Variants in ERC1 observed in about 807,000 individuals in gnomAD.
The protein encoded by ERC1 is ELKS/RAB6-interacting/CAST family member 1, also known as RAB6 interacting protein 2.
Under a neutral mutation model 132.0 loss-of-function variants are expected in ERC1, and 56 were observed. The ratio of observed to expected loss-of-function variants is 0.42; its 90% CI spans 0.34 to 0.53. The LOEUF is 0.53. Ranked by LOEUF, ERC1 falls within the 20% of genes least tolerant of loss-of-function variation. The pLI is 0.03. For synonymous variants in ERC1, 478 were observed against 476.1 expected, an observed-to-expected ratio of 1.00 and a Z score of -0.05; for missense variants, 1,202 against 1,349.9, an observed-to-expected ratio of 0.89 and a Z score of 1.72.
At chr12:1,442,164 G>A (rs756047662) in intron 17 of ERC1, among the ~76,000 whole-genome samples, 16 of 152,190 alleles carry the variant, frequency 1.1e-4, no homozygotes, top group African/African-American at 3.9e-4. Context: ...CTGACCTCAC[G>A]TCATCTGCCC....
chr12:1,398,115 C>G (rs117758905), intron 16 of ERC1, among the ~76,000 whole-genome samples: 1,849 of 152,234 alleles, frequency 0.012, 18 homozygotes, highest in Non-Finnish European at 0.018. Flanking sequence ...TCCCAAGTAG[C>G]TGGGACTGCG....
At chr12:1,017,017 G>A (rs1376163035) in intron 1 of ERC1, among the ~76,000 whole-genome samples, 1 of 150,060 alleles carries the variant, frequency 6.7e-6, no homozygotes, top group Non-Finnish European at 1.5e-5. Flanking sequence ...ATTTTTTTGA[G>A]ATGGAATCTT....
intron 17 of ERC1, among the ~76,000 whole-genome samples, chr12:1,416,619 G>A (rs981358571): frequency 2.0e-5 from 3 of 152,196 alleles, no homozygotes; most frequent in African/African-American, 4.8e-5. Context: ...GCCTTTGGAC[G>A]TTGTCTGAAT....
intron 16 of ERC1, among the ~76,000 whole-genome samples, chr12:1,379,687 G>A (rs1353693183): frequency 6.6e-6 from 1 of 152,088 alleles, no homozygotes; most frequent in Non-Finnish European, 1.5e-5. Flanking sequence ...TCTGACCCGG[G>A]GTCCTCTGTA....
At chr12:1,312,918 T>A (rs1465292702) in intron 15 of ERC1, among the ~76,000 whole-genome samples, 1 of 152,272 alleles carries the variant, frequency 6.6e-6, no homozygotes, top group Middle Eastern at 3.4e-3. Context: ...TTCTTAACTC[T>A]CCATCATTAC....
chr12:1,353,760 C>A (rs1214318331), intron 15 of ERC1, among the ~76,000 whole-genome samples: 2 of 152,168 alleles, frequency 1.3e-5, no homozygotes, highest in South Asian at 2.1e-4. Context: ...TGATCTCTTT[C>A]CACTTGTTTA....
intron 18 of ERC1, among the ~76,000 whole-genome samples, chr12:1,463,555 A>C (rs2093682395): frequency 6.6e-6 from 1 of 152,078 alleles, no homozygotes; most frequent in Non-Finnish European, 1.5e-5. Flanking sequence ...TGTCCAAAAA[A>C]CCTAAGGGCA....
intron 7 of ERC1, among the ~76,000 whole-genome samples, chr12:1,138,430 A>G (rs1316024025): frequency 1.4e-5 from 2 of 146,844 alleles, no homozygotes; most frequent in African/African-American, 5.0e-5. Context: ...AAATATTGGT[A>G]AGTTCTGTAT....
intron 1 of ERC1, among the ~76,000 whole-genome samples, chr12:1,024,842 G>GA (rs201143939): frequency 0.21 from 15,249 of 72,326 alleles, 1,061 homozygotes; most frequent in African/African-American, 0.31. Flanking sequence ...AAAAAAAGTG[G>GA]AAAAAAAAAA....
At position 1,276,241 on chromosome 12, in the gene ERC1, CTT is replaced by C. The variant is rs201592748; in HGVS notation, c.2619+13088_2619+13089del. Among the ~76,000 whole-genome samples the C allele has an allele frequency of 6.6e-3, 735 of 111,440 alleles. 9 individuals are homozygous for C. Among genetic ancestry groups the C allele is most frequent in the African/African-American group, 0.02 (700 of 35,686 alleles). 73.1% of individuals were successfully genotyped at this position (111,440 alleles called of 152,430 possible). A position where few individuals can be genotyped will look rare whatever the true frequency, so the allele number is the denominator to read the frequency against. Reference sequence around the variant, plus strand: ...TGTTTTTGTTTTTCTTTTTCTTTTTCTTTTTTTTTTTTTGAGATGGAGTCTCT... The same window carrying C: ...TGTTTTTGTTTTTCTTTTTCTTTTTCTTTTTTTTTTTGAGATGGAGTCTCT... On this transcript the variant is annotated intron_variant, in intron 14 of 18. Transcript: ENST00000360905.
chr12:1,100,957 G>A (rs1276796028), intron 3 of ERC1, among the ~76,000 whole-genome samples: 1 of 152,092 alleles, frequency 6.6e-6, no homozygotes, highest in Non-Finnish European at 1.5e-5. Context: ...GGTAAGATAG[G>A]AGGAAAAGCT....
At chr12:1,216,896 C>T (rs1382289185) in intron 12 of ERC1, among the ~76,000 whole-genome samples, 2 of 151,896 alleles carry the variant, frequency 1.3e-5, no homozygotes, top group African/African-American at 2.4e-5. Context: ...AATAATAATA[C>T]AATTAAGGGA....
intron 7 of ERC1, among the ~76,000 whole-genome samples, chr12:1,139,872 G>A (rs1186989577): frequency 6.6e-6 from 1 of 151,982 alleles, no homozygotes; most frequent in Non-Finnish European, 1.5e-5. Context: ...GTAGGAGGAA[G>A]AAAAGAACAG....
rs1328437668 is a variant in ERC1, at chr12:1,154,351, T to C, written c.1737+12564T>C. Among the ~76,000 whole-genome samples the C allele has an allele frequency of 7.4e-5, 4 of 54,096 alleles. No individual in the cohort carries two copies. The East Asian group carries it at 1.9e-3, about 26-fold the overall frequency. The allele number at this position is 54,096 out of a possible 152,430, so 35.5% of individuals were successfully genotyped here. A position where few individuals can be genotyped will look rare whatever the true frequency, so the allele number is the denominator to read the frequency against. ...TATATACACACATACCCATGTGTGT[T>C]TATACACACACACACACACACACAC... On this transcript the variant is annotated intron_variant, in intron 8 of 18. Transcript: ENST00000360905.
rs970875545 is a variant in ERC1 at position 1,058,794 on chromosome 12, T to TTG, written c.670-24369_670-24368insGT. Among the ~76,000 whole-genome samples, 7 of 150,084 alleles carry TTG rather than the reference T, an allele frequency of 4.7e-5. No homozygotes were observed. In the East Asian group the frequency reaches 7.8e-4, roughly 17 times the overall value. ...TAGTTTGCTTTGGAAAGTATGTTTT[T>TTG]TTTTTTTTTTTTTAAGAGACGAGGT... On this transcript the variant is annotated intron_variant, in intron 2 of 18. Transcript: ENST00000360905.
Position 1,132,501 on chromosome 12 carries a change from C to T in ERC1, c.1570-9119C>T, listed in dbSNP as rs1042074409. ...TCAGTGCCGTGCGGGTATTTATGTCCGGTCAGCATTGACATGTTTCCAGGT... is the reference window on the plus strand; with the variant it reads ...TCAGTGCCGTGCGGGTATTTATGTCTGGTCAGCATTGACATGTTTCCAGGT... On this transcript the variant is annotated intron_variant, in intron 7 of 18. Transcript: ENST00000360905. Among the ~76,000 whole-genome samples, 6 of 152,254 alleles carry T rather than the reference C, an allele frequency of 3.9e-5. No individual in the cohort carries two copies. In the East Asian group the frequency reaches 7.7e-4, roughly 20 times the overall value.
chr12:1,199,021 G>GA (rs1956620595), intron 12 of ERC1, among the ~76,000 whole-genome samples: 2 of 111,860 alleles, frequency 1.8e-5, no homozygotes, highest in East Asian at 4.4e-4. Context: ...CAACACTGGG[G>GA]ATCACAGTTC....
intron 12 of ERC1, among the ~76,000 whole-genome samples, chr12:1,224,263 G>A (rs952224944): frequency 2.0e-5 from 3 of 152,026 alleles, no homozygotes; most frequent in South Asian, 2.1e-4. Context: ...ACACACACAC[G>A]TACACAGACA....
intron 13 of ERC1, among the ~76,000 whole-genome samples, chr12:1,262,562 G>C (rs1404500221): frequency 6.6e-6 from 1 of 152,198 alleles, no homozygotes; most frequent in Non-Finnish European, 1.5e-5. Context: ...ATCGTTTGCT[G>C]ACAATTGTCT....
Sources: gnomAD v4.1 joint callset for allele counts (sites outside exome capture counted in the v4.1 genomes callset) on GRCh38, gnomAD v4.1.1 for gene constraint, MANE v1.5 for transcripts, NCBI Gene and HGNC (gene_info 2026-07-23, HGNC 2026-07-21) for gene names.